The following DOCK10 variants were observed in gnomAD, a reference collection of about 807,000 sequenced individuals.
DOCK10 encodes the protein dedicator of cytokinesis 10.
In DOCK10, 145 loss-of-function variants were observed where a neutral mutation model predicts 280.1. The observed-to-expected ratio is 0.52, with a 90% CI of 0.45 to 0.59. The LOEUF is 0.59. Ranked by LOEUF, DOCK10 falls within the 20% of genes least tolerant of loss-of-function variation. DOCK10 has a pLI of 0.00. For synonymous variants in DOCK10, 915 were observed against 942.2 expected (o/e 0.97, Z 0.53); for missense variants, 2,368 against 2,651.7 (o/e 0.89, Z 2.35).
At chr2:224,826,217 C>G (rs1694840632) in intron 27 of DOCK10, among the ~76,000 whole-genome samples, 1 of 152,122 alleles carries the variant, frequency 6.6e-6, no homozygotes, top group Non-Finnish European at 1.5e-5. Flanking sequence ...GTGTGTGCCA[C>G]CACATCCAGC....
intron 2 of DOCK10, among the ~76,000 whole-genome samples, chr2:224,920,270 C>T (rs1049082259): frequency 2.7e-5 from 4 of 149,034 alleles, no homozygotes; most frequent in East Asian, 3.9e-4. Context: ...GACAGGGTCT[C>T]ACCATGTTGT....
rs144519984 is a variant in DOCK10 at position 224,777,315 on chromosome 2, G to T, written c.5802+823C>A. 1.1e-4 allele frequency among the ~76,000 whole-genome samples: 16 copies of T among 152,320 alleles called. 1 individual carries two copies. Among genetic ancestry groups the T allele is most frequent in the Middle Eastern group, 3.4e-3 (1 of 292 alleles). ...ATTGTTCCTGGGTGTGTCCGTGAGGGTGTCGCTAAAGGAGATTAACATTTG... is the reference window on the plus strand; with the variant it reads ...ATTGTTCCTGGGTGTGTCCGTGAGGTTGTCGCTAAAGGAGATTAACATTTG... On this transcript the variant is annotated intron_variant, in intron 51 of 55. Coordinates refer to ENST00000258390, the MANE Select transcript of DOCK10 (RefSeq NM_014689.3).
rs1705032112 is a variant in DOCK10, at chr2:224,970,647, C to A, written c.124-38979G>T. 6.6e-6 allele frequency among the ~76,000 whole-genome samples: 1 copy of A among 152,190 alleles called. No homozygotes were observed. Among genetic ancestry groups the A allele is most frequent in the African/African-American group, 2.4e-5 (1 of 41,444 alleles). Reference sequence around the variant, plus strand: ...CTCTGCCGTGGGACCCATGAGCCCCCACAGTTGCATTCTGTATCTCCACAG... The same window carrying A: ...CTCTGCCGTGGGACCCATGAGCCCCAACAGTTGCATTCTGTATCTCCACAG... On this transcript the variant is annotated intron_variant, in intron 1 of 55. Coordinates refer to ENST00000258390, the MANE Select transcript of DOCK10 (RefSeq NM_014689.3). The surrounding 1 kb of genome is among the most constrained non-coding windows in gnomAD (Gnocchi z 4.6).
At chr2:224,913,099 T>G (rs1701126333) in intron 3 of DOCK10, among the ~76,000 whole-genome samples, 1 of 152,130 alleles carries the variant, frequency 6.6e-6, no homozygotes, top group South Asian at 2.1e-4. Context: ...TTTATTTGTT[T>G]TATATTATTA....
chr2:224,825,829 A>C (rs1477650795), intron 27 of DOCK10, among the ~76,000 whole-genome samples: 3 of 152,150 alleles, frequency 2.0e-5, no homozygotes, highest in Non-Finnish European at 4.4e-5. Flanking sequence ...AGGGAGTGAG[A>C]TGGTGGCACA....
rs908489275 is a variant in DOCK10 at position 224,886,501 on chromosome 2, T to C, written c.447A>G (p.Ser149=). Residue 149 remains serine, a synonymous_variant, in exon 5 of 56, where the codon TCA becomes TCG. Transcript: ENST00000258390. ...CTTCATGGTCAATCTCAAAGGAATG[T>C]GAAGGAAGCTTCTCTGGTTTGTATT... ...RAEYKPEKLP[S]HSFEIDHEDA... is the part of the protein sequence containing the mutation. The C allele has an allele frequency of 1.2e-6, 2 of 1,610,054 alleles. No homozygotes were observed. Among genetic ancestry groups the C allele is most frequent in the African/African-American group, 2.7e-5 (2 of 74,722 alleles).
At position 225,038,183 on chromosome 2, in the gene DOCK10, A is replaced by G. The variant is rs137902767; in HGVS notation, c.123+4069T>C. 3.2e-3 allele frequency among the ~76,000 whole-genome samples: 494 copies of G among 152,290 alleles called. 4 individuals carry two copies. Among genetic ancestry groups the G allele is most frequent in the Middle Eastern group, 6.8e-3 (2 of 294 alleles). On this transcript the variant is annotated intron_variant, in intron 1 of 55. Coordinates refer to ENST00000258390, the MANE Select transcript of DOCK10 (RefSeq NM_014689.3). ...TTGCATATTGCTTTTAAATCTGGAT[A>G]GCGACAGCAAAACAAGTGCTTCACT...
At chr2:224,827,241 C>T (rs1489499896) in intron 27 of DOCK10, among the ~76,000 whole-genome samples, 3 of 140,330 alleles carry the variant, frequency 2.1e-5, no homozygotes, top group Non-Finnish European at 4.5e-5. Context: ...CCAGTGTGGG[C>T]GACAGAGCGA....
chr2:224,943,603 A>C (rs1236805643), intron 1 of DOCK10, among the ~76,000 whole-genome samples: 3 of 152,150 alleles, frequency 2.0e-5, no homozygotes, highest in Non-Finnish European at 4.4e-5. Context: ...GTATATCCAA[A>C]AATTTAAAAG....
intron 1 of DOCK10, among the ~76,000 whole-genome samples, chr2:224,971,974 C>T (rs547793313): frequency 6.8e-4 from 104 of 151,990 alleles, no homozygotes; most frequent in Non-Finnish European, 1.5e-3. Context: ...ACTTAATATG[C>T]TTTTTTTCTT....
chr2:224,993,696 C>A (rs1309147321), intron 1 of DOCK10, among the ~76,000 whole-genome samples: 1 of 152,126 alleles, frequency 6.6e-6, no homozygotes, highest in Non-Finnish European at 1.5e-5. Context: ...TAGAAGGCAT[C>A]CCCCTCCCTC....
rs557062057 is a variant in DOCK10, at chr2:225,024,957, G to A, written c.123+17295C>T. ...TTGATTCATGGTTACCACAGGGAAG[G>A]GATGAACTTGGGAAAGGGAGAAGCT... On this transcript the variant is annotated intron_variant, in intron 1 of 55. Coordinates refer to ENST00000258390, the MANE Select transcript of DOCK10 (RefSeq NM_014689.3). Among the ~76,000 whole-genome samples the A allele has an allele frequency of 4.6e-5, 7 of 152,234 alleles. No individual in the cohort carries two copies. In the South Asian group the frequency reaches 1.2e-3, roughly 27 times the overall value.
At chr2:225,022,468 T>C (rs1180385222) in intron 1 of DOCK10, among the ~76,000 whole-genome samples, 1 of 152,176 alleles carries the variant, frequency 6.6e-6, no homozygotes, top group South Asian at 2.1e-4. Context: ...ACCTTACCCG[T>C]AGCAACTCTG....
At chr2:224,920,165 G>A (rs1701614013) in intron 2 of DOCK10, among the ~76,000 whole-genome samples, 2 of 151,900 alleles carry the variant, frequency 1.3e-5, no homozygotes, top group Non-Finnish European at 1.5e-5. Flanking sequence ...CTCGACCTCC[G>A]GGGCTCCAGT....
At chr2:224,912,296 C>T (rs1429620589) in intron 3 of DOCK10, among the ~76,000 whole-genome samples, 2 of 151,856 alleles carry the variant, frequency 1.3e-5, no homozygotes, top group Non-Finnish European at 1.5e-5. Flanking sequence ...CCACTACTCC[C>T]GGGTAATTTT....
intron 47 of DOCK10, among the ~76,000 whole-genome samples, chr2:224,790,537 A>G (rs1692106270): frequency 1.3e-5 from 2 of 152,204 alleles, no homozygotes; most frequent in Non-Finnish European, 2.9e-5. Flanking sequence ...TTGGTTATGT[A>G]ACTAAATGAT....
chr2:225,022,646 C>T (rs1325066271), intron 1 of DOCK10, among the ~76,000 whole-genome samples: 2 of 152,206 alleles, frequency 1.3e-5, no homozygotes, highest in Non-Finnish European at 2.9e-5. Flanking sequence ...AATTCTGATA[C>T]TGTGAAATTA....
At chr2:224,907,539 T>G (rs1056064420) in intron 3 of DOCK10, among the ~76,000 whole-genome samples, 7 of 151,972 alleles carry the variant, frequency 4.6e-5, no homozygotes, top group Non-Finnish European at 1.0e-4. Context: ...TACAAAAAAA[T>G]TAGCCGGGTG....
At chr2:224,978,629 G>A (rs764197839) in intron 1 of DOCK10, among the ~76,000 whole-genome samples, 2 of 152,138 alleles carry the variant, frequency 1.3e-5, no homozygotes, top group Admixed American at 6.5e-5. Context: ...GGTAATGCGT[G>A]ATTAACTTTC....
Sources: gnomAD v4.1 joint callset for allele counts (sites outside exome capture counted in the v4.1 genomes callset) on GRCh38, gnomAD v4.1.1 for gene constraint, Gnocchi (gnomAD v3.1) non-coding constraint, MANE v1.5 for transcripts, NCBI Gene and HGNC (gene_info 2026-07-23, HGNC 2026-07-21) for gene names.